Variants in DTD1 observed in about 807,000 individuals in gnomAD.
DTD1 encodes the protein D-tyrosyl-tRNA deacylase 1 homolog.
Under a neutral mutation model 25.6 loss-of-function variants are expected in DTD1, and 13 were observed. That is an observed-to-expected ratio of 0.51 (90% CI 0.33 to 0.81). The LOEUF (loss-of-function observed/expected upper bound fraction) is 0.81. Ranked by LOEUF, DTD1 falls within the 30% of genes least tolerant of loss-of-function variation. DTD1 has a pLI of 0.02. For synonymous variants in DTD1, 110 were observed against 103.6 expected (o/e 1.06, Z -0.37); for missense variants, 193 against 266.4 (o/e 0.72, Z 1.92).
intron 3 of DTD1, among the ~76,000 whole-genome samples, chr20:18,621,481 C>T (rs1042935252): frequency 1.2e-4 from 18 of 152,288 alleles, no homozygotes; most frequent in African/African-American, 4.3e-4. Flanking sequence ...CAGCCTACTC[C>T]CACTCACTAA....
At chr20:18,743,759 A>C (rs1281112869) in intron 4 of DTD1, among the ~76,000 whole-genome samples, 1 of 152,124 alleles carries the variant, frequency 6.6e-6, no homozygotes, top group Non-Finnish European at 1.5e-5. Flanking sequence ...ACTATCAAAG[A>C]AAAAAGTAAG....
Position 18,683,297 on chromosome 20 carries a change from T to A in DTD1, c.477+55064T>A, listed in dbSNP as rs182556490. ...TCCTTGAGTTCCTCTGTTAGCATAT[T>A]TCTGCGTGACCATTTCCATTTTATT... On this transcript the variant is annotated intron_variant, in intron 4 of 5. Transcript: ENST00000377452. Among the ~76,000 whole-genome samples the A allele has an allele frequency of 1.0e-3, 157 of 152,340 alleles. 1 individual carries two copies. Among genetic ancestry groups the A allele is most frequent in the African/African-American group, 3.7e-3 (153 of 41,578 alleles).
intron 4 of DTD1, among the ~76,000 whole-genome samples, chr20:18,661,080 GCT>G (rs1412467548): frequency 3.3e-5 from 5 of 152,086 alleles, no homozygotes; most frequent in Non-Finnish European, 5.9e-5. Flanking sequence ...CTGTTTGTGG[GCT>G]CTGTTTTGTT....
chr20:18,760,977 T>C (rs1472368264), intron 5 of DTD1, among the ~76,000 whole-genome samples: 3 of 152,128 alleles, frequency 2.0e-5, no homozygotes, highest in Non-Finnish European at 2.9e-5. Context: ...TGCAATTTGA[T>C]CTCAGACTGC....
chr20:18,737,764 G>T (rs1224992409), intron 4 of DTD1, among the ~76,000 whole-genome samples: 2 of 152,338 alleles, frequency 1.3e-5, no homozygotes, highest in Middle Eastern at 3.4e-3. Context: ...TGATCCTCTG[G>T]CTTCTTCAGC....
chr20:18,671,119 A>C (rs2060950118), intron 4 of DTD1, among the ~76,000 whole-genome samples: 2 of 152,160 alleles, frequency 1.3e-5, no homozygotes, highest in African/African-American at 4.8e-5. Flanking sequence ...TAGTAGAATC[A>C]AGGCAGGTGG....
At chr20:18,589,385 AAAC>A (rs2060580143) in intron 1 of DTD1, among the ~76,000 whole-genome samples, 2 of 25,870 alleles carry the variant, frequency 7.7e-5, no homozygotes, top group South Asian at 2.1e-3. Context: ...CCAAAACAAA[AAAC>A]AAAACAAAAC....
intron 4 of DTD1, among the ~76,000 whole-genome samples, chr20:18,639,956 G>T (rs1215214557): frequency 6.6e-6 from 1 of 152,060 alleles, no homozygotes; most frequent in South Asian, 2.1e-4. Context: ...AACCATTCGT[G>T]TCATTGTTGG....
At chr20:18,631,667 C>A in intron 4 of DTD1, 1 of 985,408 alleles carries the variant, frequency 1.0e-6, no homozygotes, top group Non-Finnish European at 1.2e-6. Flanking sequence ...CCCACTTTTG[C>A]CCCTGGAAAT....
chr20:18,667,955 T>C (rs2060937998), intron 4 of DTD1, among the ~76,000 whole-genome samples: 1 of 152,220 alleles, frequency 6.6e-6, no homozygotes, highest in Non-Finnish European at 1.5e-5. Context: ...GAAATGCTTA[T>C]ACGTGCGAAG....
At chr20:18,694,945 C>T (rs1487206280) in intron 4 of DTD1, among the ~76,000 whole-genome samples, 1 of 152,094 alleles carries the variant, frequency 6.6e-6, no homozygotes, top group Non-Finnish European at 1.5e-5. Context: ...AAAGTGGCAC[C>T]TCAGAGCCAC....
At chr20:18,636,739 G>C (rs1324450838) in intron 4 of DTD1, among the ~76,000 whole-genome samples, 1 of 152,190 alleles carries the variant, frequency 6.6e-6, no homozygotes, top group Admixed American at 6.5e-5. Flanking sequence ...GGAAAAAGGG[G>C]ACCAGGACTT....
At position 18,697,733 on chromosome 20, in the gene DTD1, G is replaced by A. The variant is rs534170612; in HGVS notation, c.478-46367G>A. Among the ~76,000 whole-genome samples the A allele has an allele frequency of 2.6e-5, 4 of 152,300 alleles. No individual in the cohort carries two copies. In the East Asian group the frequency reaches 5.8e-4, roughly 22 times the overall value. ...AGAGTCTCGCTCTTTCGCCCAGGCC[G>A]GAGTGCAGTGGCGCTATCTCGGCTC... is the stretch of plus-strand genomic sequence containing the variant. On this transcript the variant is annotated intron_variant, in intron 4 of 5. Coordinates refer to ENST00000377452, the MANE Select transcript of DTD1 (RefSeq NM_080820.6).
chr20:18,697,986 GATTA>G lies in DTD1; in HGVS notation c.478-46110_478-46107del, dbSNP rs376750699. Among the ~76,000 whole-genome samples, 574 of 152,260 alleles carry G rather than the reference GATTA, an allele frequency of 3.8e-3. 3 individuals carry two copies. Among genetic ancestry groups the G allele is most frequent in the African/African-American group, 0.013 (556 of 41,550 alleles). ...CCATAACTTTACTCTTGGACATCTA[GATTA>G]ATTTTTCACAATTATAAGTAGTATG... On this transcript the variant is annotated intron_variant, in intron 4 of 5. Coordinates refer to ENST00000377452, the MANE Select transcript of DTD1 (RefSeq NM_080820.6).
intron 4 of DTD1, among the ~76,000 whole-genome samples, chr20:18,663,186 C>A (rs1409639686): frequency 1.3e-5 from 2 of 152,038 alleles, no homozygotes; most frequent in Non-Finnish European, 2.9e-5. Flanking sequence ...GGCTGGCAAC[C>A]TTGTTTTCAT....
intron 4 of DTD1, among the ~76,000 whole-genome samples, chr20:18,660,130 C>T (rs1271823217): frequency 3.9e-5 from 6 of 152,054 alleles, no homozygotes; most frequent in Admixed American, 6.6e-5. Flanking sequence ...CACAGCTACT[C>T]GGGAGGGTGG....
chr20:18,655,274 T>G (rs1392300950), intron 4 of DTD1, among the ~76,000 whole-genome samples: 1 of 152,216 alleles, frequency 6.6e-6, no homozygotes, highest in African/African-American at 2.4e-5. Flanking sequence ...TACTACTGAA[T>G]TTATGTGAAT....
At chr20:18,737,237 C>T (rs966332332) in intron 4 of DTD1, among the ~76,000 whole-genome samples, 1 of 152,070 alleles carries the variant, frequency 6.6e-6, no homozygotes, top group Admixed American at 6.5e-5. Context: ...AGACACACTG[C>T]CCTGCCATGT....
chr20:18,590,237 G>T (rs747876214), intron 1 of DTD1, among the ~76,000 whole-genome samples: 2 of 152,126 alleles, frequency 1.3e-5, no homozygotes, highest in African/African-American at 2.4e-5. Context: ...GAGTGCAGTG[G>T]CACTATTATA....
Sources: gnomAD v4.1 joint callset for allele counts (sites outside exome capture counted in the v4.1 genomes callset) on GRCh38, gnomAD v4.1.1 for gene constraint, MANE v1.5 for transcripts, NCBI Gene and HGNC (gene_info 2026-07-23, HGNC 2026-07-21) for gene names.